Variants in STK39 observed in about 807,000 individuals in gnomAD.
STK39 encodes serine/threonine kinase 39.
A neutral mutation model predicts 77.8 loss-of-function variants in STK39; 20 were observed. The ratio of observed to expected loss-of-function variants is 0.26; its 90% CI spans 0.18 to 0.37. STK39 has a LOEUF of 0.37. STK39 is among the 10% of genes least tolerant of loss of function. The probability of loss-of-function intolerance (pLI) is 1.00; values close to 1 mark genes in which losing one functional copy is unlikely to be tolerated. For missense variants in STK39, 479 were observed against 656.5 expected, an observed-to-expected ratio of 0.73 and a Z score of 2.95; for synonymous variants, 246 against 234.1, an observed-to-expected ratio of 1.05 and a Z score of -0.47.
At chr2:168,135,937 G>A (rs1687821298) in intron 8 of STK39, among the ~76,000 whole-genome samples, 1 of 150,070 alleles carries the variant, frequency 6.7e-6, no homozygotes, top group Non-Finnish European at 1.5e-5. Flanking sequence ...GGTCTCTGAA[G>A]GAAAGATTTG....
chr2:168,021,691 A>C (rs1290502973), intron 14 of STK39, among the ~76,000 whole-genome samples: 1 of 152,102 alleles, frequency 6.6e-6, no homozygotes, highest in Non-Finnish European at 1.5e-5. Context: ...AATCCTTTTA[A>C]TCTTAAAATA....
intron 1 of STK39, among the ~76,000 whole-genome samples, chr2:168,199,606 C>A (rs1248640514): frequency 6.6e-6 from 1 of 151,856 alleles, no homozygotes; most frequent in Admixed American, 6.6e-5. Context: ...CGGCTCACTG[C>A]AACCTTTGCC....
chr2:168,141,554 T>G (rs905345771), intron 5 of STK39, among the ~76,000 whole-genome samples: 2 of 152,234 alleles, frequency 1.3e-5, no homozygotes, highest in Non-Finnish European at 2.9e-5. Context: ...TAACGTACTA[T>G]TCTTGCTTTC....
chr2:168,194,562 C>A (rs979254198), intron 1 of STK39, among the ~76,000 whole-genome samples: 4 of 152,120 alleles, frequency 2.6e-5, no homozygotes, highest in African/African-American at 9.7e-5. Flanking sequence ...GAAGACAATG[C>A]CTGCCTTAGT....
intron 5 of STK39, among the ~76,000 whole-genome samples, chr2:168,150,175 G>T (rs1688242661): frequency 6.6e-6 from 1 of 152,210 alleles, no homozygotes; most frequent in Non-Finnish European, 1.5e-5. Context: ...AGTGGGACTG[G>T]AAGATCTCAA....
chr2:168,138,858 T>A (rs1687904044), intron 7 of STK39, among the ~76,000 whole-genome samples: 1 of 151,852 alleles, frequency 6.6e-6, no homozygotes, highest in Non-Finnish European at 1.5e-5. Flanking sequence ...CAAAACAAAA[T>A]AAAATACAAC....
At chr2:168,176,354 A>G (rs2105617815) in intron 2 of STK39, among the ~76,000 whole-genome samples, 1 of 152,310 alleles carries the variant, frequency 6.6e-6, no homozygotes, top group African/African-American at 2.4e-5. Context: ...GACTGGAGGA[A>G]CTGCTCAGAG....
chr2:167,984,745 G>C lies in STK39; in HGVS notation c.1499-20019C>G, dbSNP rs190892244. Among the ~76,000 whole-genome samples, 618 of 151,198 alleles carry C rather than the reference G, an allele frequency of 4.1e-3. 9 individuals are homozygous for C. The highest frequency in any genetic ancestry group is 2.5e-3 in the Non-Finnish European group (166 of 67,722). Reference sequence around the variant, plus strand: ...TAACAGTTGTGTGATTTGCTGATTGGGACTGAACATATTAATAAGTCAAAT... The same window carrying C: ...TAACAGTTGTGTGATTTGCTGATTGCGACTGAACATATTAATAAGTCAAAT... On this transcript the variant is annotated intron_variant, in intron 16 of 17. Coordinates refer to ENST00000355999, the MANE Select transcript of STK39 (RefSeq NM_013233.3).
intron 14 of STK39, among the ~76,000 whole-genome samples, chr2:168,039,148 C>G (rs1685036714): frequency 6.6e-6 from 1 of 152,008 alleles, no homozygotes; most frequent in Non-Finnish European, 1.5e-5. Context: ...TGTCCATCAT[C>G]AGGTAAGTAA....
At chr2:168,196,336 T>C (rs1462400831) in intron 1 of STK39, among the ~76,000 whole-genome samples, 8 of 152,216 alleles carry the variant, frequency 5.3e-5, no homozygotes, top group African/African-American at 1.7e-4. Context: ...TCCTAGAGTT[T>C]ACATTTTATG....
intron 5 of STK39, 116 bp downstream of exon 5, chr2:168,161,671 A>G (rs1688576503): frequency 2.9e-6 from 2 of 698,506 alleles, no homozygotes; most frequent in Admixed American, 6.6e-5. Context: ...TTCTGTAAAT[A>G]TCATTCTGAA....
intron 16 of STK39, among the ~76,000 whole-genome samples, chr2:167,976,718 C>T (rs1331282216): frequency 6.6e-6 from 1 of 152,114 alleles, no homozygotes; most frequent in Non-Finnish European, 1.5e-5. Context: ...TTTATCTCTG[C>T]CCCAACCAAT....
chr2:168,032,993 A>G (rs960302377), intron 14 of STK39, among the ~76,000 whole-genome samples: 3 of 152,224 alleles, frequency 2.0e-5, no homozygotes, highest in African/African-American at 7.2e-5. Context: ...TTTGGCAAAT[A>G]CACAGAATTC....
chr2:168,230,973 C>T (rs945580929), intron 1 of STK39, among the ~76,000 whole-genome samples: 5 of 152,112 alleles, frequency 3.3e-5, no homozygotes, highest in Admixed American at 6.6e-5. Context: ...CTACAGAATC[C>T]CACCCACCAC....
chr2:168,224,757 C>A (rs1223404295), intron 1 of STK39, among the ~76,000 whole-genome samples: 3 of 152,320 alleles, frequency 2.0e-5, no homozygotes, highest in Admixed American at 2.0e-4. Flanking sequence ...AGATTCAAGA[C>A]CACCAGAAGA....
chr2:168,133,040 A>C (rs903528282), intron 8 of STK39, among the ~76,000 whole-genome samples: 1 of 152,176 alleles, frequency 6.6e-6, no homozygotes, highest in Non-Finnish European at 1.5e-5. Context: ...GCTAGCAAAA[A>C]AAGAGGACAG....
At chr2:168,179,459 C>A (rs1043422629) in intron 2 of STK39, among the ~76,000 whole-genome samples, 11 of 151,940 alleles carry the variant, frequency 7.2e-5, no homozygotes, top group African/African-American at 2.7e-4. Flanking sequence ...CCATTTCCCC[C>A]CTCTCTAAAT....
At chr2:168,025,850 C>G (rs984887023) in intron 14 of STK39, among the ~76,000 whole-genome samples, 2 of 152,232 alleles carry the variant, frequency 1.3e-5, no homozygotes, top group Non-Finnish European at 2.9e-5. Context: ...CCGGGGCCTT[C>G]CTATGGCAGT....
At chr2:167,986,934 T>C (rs993318195) in intron 16 of STK39, among the ~76,000 whole-genome samples, 1 of 152,076 alleles carries the variant, frequency 6.6e-6, no homozygotes, top group Non-Finnish European at 1.5e-5. Context: ...TGATCATCAA[T>C]AATGCACTAA....
Sources: allele counts gnomAD v4.1 joint callset (sites outside exome capture counted in the v4.1 genomes callset), GRCh38; gene constraint gnomAD v4.1.1; transcripts MANE v1.5; gene names NCBI Gene and HGNC (gene_info 2026-07-23, HGNC 2026-07-21).